Variants in NKAIN3 observed in about 807,000 individuals in gnomAD.
NKAIN3 encodes the protein sodium/potassium-transporting ATPase subunit beta-1-interacting protein 3.
Under a neutral mutation model 30.2 loss-of-function variants are expected in NKAIN3, and 25 were observed. The ratio of observed to expected loss-of-function variants is 0.83; its 90% CI spans 0.60 to 1.16. The LOEUF (loss-of-function observed/expected upper bound fraction) is 1.16, where lower values mean the gene tolerates loss of function less well. NKAIN3 is among the 50% of genes most tolerant of loss of function. The probability of loss-of-function intolerance (pLI) is 0.00; values close to 1 mark genes in which losing one functional copy is unlikely to be tolerated. For synonymous variants in NKAIN3, 91 were observed against 89.6 expected (o/e 1.02, Z -0.09); for missense variants, 225 against 254.1 (o/e 0.89, Z 0.78).
intron 1 of NKAIN3, among the ~76,000 whole-genome samples, chr8:62,403,388 G>A (rs776231110): frequency 6.6e-6 from 1 of 152,224 alleles, no homozygotes; most frequent in Non-Finnish European, 1.5e-5. Context: ...TGTCTCCAGG[G>A]CATGTCGGAG....
intron 4 of NKAIN3, among the ~76,000 whole-genome samples, chr8:62,764,561 C>A (rs75679157): frequency 0.019 from 2,838 of 152,146 alleles, 55 homozygotes; most frequent in Non-Finnish European, 0.029. Context: ...AACTCCTGGG[C>A]TCAAGCAATC....
chr8:62,862,435 A>G (rs1227134470), intron 4 of NKAIN3, among the ~76,000 whole-genome samples: 2 of 152,154 alleles, frequency 1.3e-5, no homozygotes, highest in African/African-American at 2.4e-5. Flanking sequence ...TAAAAAGATT[A>G]AAGAAACTGG....
At chr8:62,636,997 A>G (rs895536160) in intron 3 of NKAIN3, among the ~76,000 whole-genome samples, 1 of 152,096 alleles carries the variant, frequency 6.6e-6, no homozygotes, top group African/African-American at 2.4e-5. Context: ...TTTTTTTTCC[A>G]TTTCACATGT....
intron 1 of NKAIN3, among the ~76,000 whole-genome samples, chr8:62,391,233 A>G (rs1036652953): frequency 9.2e-5 from 14 of 152,154 alleles, no homozygotes; most frequent in Admixed American, 7.9e-4. Flanking sequence ...CCAAAACTAT[A>G]TGTACCTTAT....
chr8:62,990,128 A>G (rs769441142), intron 5 of NKAIN3: 49 of 930,870 alleles, frequency 5.3e-5, no homozygotes, highest in African/African-American at 2.2e-4. Context: ...ATCAATTTAA[A>G]TGTTGATATT....
chr8:62,299,817 A>C (rs906201941), intron 1 of NKAIN3, among the ~76,000 whole-genome samples: 10 of 152,072 alleles, frequency 6.6e-5, no homozygotes, highest in African/African-American at 2.4e-4. Context: ...GAAAGGCTTT[A>C]TTTTTATTGC....
intron 4 of NKAIN3, among the ~76,000 whole-genome samples, chr8:62,858,926 C>T (rs533207933): frequency 7.9e-5 from 12 of 152,268 alleles, no homozygotes; most frequent in East Asian, 5.8e-4. Flanking sequence ...GTACAGACAC[C>T]GTGCATTGCC....
At chr8:62,272,941 G>A (rs1183431194) in intron 1 of NKAIN3, among the ~76,000 whole-genome samples, 2 of 152,166 alleles carry the variant, frequency 1.3e-5, no homozygotes, top group Non-Finnish European at 2.9e-5. Context: ...CTAGGGATTA[G>A]CAAGCTTTCT....
chr8:62,330,144 G>A (rs982444969), intron 1 of NKAIN3, among the ~76,000 whole-genome samples: 1 of 152,058 alleles, frequency 6.6e-6, no homozygotes, highest in African/African-American at 2.4e-5. Flanking sequence ...GGTGAGCCAA[G>A]GTTGAGGTTA....
intron 3 of NKAIN3, among the ~76,000 whole-genome samples, chr8:62,738,601 CAAA>C (rs3032912): frequency 1.6e-5 from 2 of 125,010 alleles, no homozygotes; most frequent in Non-Finnish European, 1.6e-5. Flanking sequence ...ACTCCATCTC[CAAA>C]AAAAAAAAAA....
At chr8:62,327,084 T>C (rs1182395263) in intron 1 of NKAIN3, among the ~76,000 whole-genome samples, 1 of 152,050 alleles carries the variant, frequency 6.6e-6, no homozygotes, top group Admixed American at 6.6e-5. Context: ...GTAAAAAATC[T>C]TTTCATGTGC....
At chr8:62,251,220 G>T (rs377244949) in intron 1 of NKAIN3, among the ~76,000 whole-genome samples, 1 of 152,058 alleles carries the variant, frequency 6.6e-6, no homozygotes, top group African/African-American at 2.4e-5. Flanking sequence ...CCATAATCAA[G>T]AGTTTTTGGA....
intron 4 of NKAIN3, among the ~76,000 whole-genome samples, chr8:62,805,624 T>G (rs1818251133): frequency 6.6e-6 from 1 of 152,176 alleles, no homozygotes; most frequent in African/African-American, 2.4e-5. Context: ...ACTGGATCCC[T>G]TCCTTACACC....
intron 4 of NKAIN3, among the ~76,000 whole-genome samples, chr8:62,799,412 G>T (rs1817981018): frequency 1.3e-5 from 2 of 152,092 alleles, no homozygotes; most frequent in Admixed American, 1.3e-4. Flanking sequence ...CTCAAAAGAA[G>T]ATATACAAAT....
chr8:62,870,855 A>G (rs1286424127), intron 4 of NKAIN3, among the ~76,000 whole-genome samples: 1 of 135,386 alleles, frequency 7.4e-6, no homozygotes, highest in Non-Finnish European at 1.6e-5. Flanking sequence ...TGTGCATTAG[A>G]GATGAGAAAG....
chr8:62,773,476 G>A (rs1817088006), intron 4 of NKAIN3, among the ~76,000 whole-genome samples: 2 of 152,080 alleles, frequency 1.3e-5, no homozygotes, highest in South Asian at 4.1e-4. Flanking sequence ...AGCATAATTT[G>A]AAATCAGGTA....
chr8:62,802,966 T>C (rs1451592032), intron 4 of NKAIN3, among the ~76,000 whole-genome samples: 1 of 152,152 alleles, frequency 6.6e-6, no homozygotes, highest in African/African-American at 2.4e-5. Flanking sequence ...GTTGCAATCC[T>C]AGTCTCTGAT....
At chr8:62,602,561 A>C (rs969538589) in intron 3 of NKAIN3, among the ~76,000 whole-genome samples, 1 of 152,120 alleles carries the variant, frequency 6.6e-6, no homozygotes, top group Non-Finnish European at 1.5e-5. Flanking sequence ...AACATTGGTC[A>C]TAAAAAGCTT....
intron 1 of NKAIN3, among the ~76,000 whole-genome samples, chr8:62,300,098 CT>C (rs751523251): frequency 3.3e-5 from 5 of 151,988 alleles, no homozygotes; most frequent in Non-Finnish European, 7.4e-5. Flanking sequence ...ATACTGTTAA[CT>C]GGATGCAACA....
Sources: gnomAD v4.1 joint callset for allele counts (sites outside exome capture counted in the v4.1 genomes callset) on GRCh38, gnomAD v4.1.1 for gene constraint, MANE v1.5 for transcripts, NCBI Gene and HGNC (gene_info 2026-07-23, HGNC 2026-07-21) for gene names.